Variants in GATB observed in about 807,000 individuals in gnomAD.
GATB encodes the protein glutamyl-tRNA(Gln) amidotransferase subunit B, mitochondrial.
In GATB, 39 loss-of-function variants were observed where a neutral mutation model predicts 62.3. The ratio of observed to expected loss-of-function variants is 0.63; its 90% CI spans 0.48 to 0.82. The LOEUF (loss-of-function observed/expected upper bound fraction) is 0.82, where lower values mean the gene tolerates loss of function less well. Ranked by LOEUF, GATB falls within the 40% of genes least tolerant of loss-of-function variation. The probability of loss-of-function intolerance (pLI) is 0.00; values close to 1 mark genes in which losing one functional copy is unlikely to be tolerated. For synonymous variants in GATB, 276 were observed against 258.9 expected, an observed-to-expected ratio of 1.07 and a Z score of -0.63; for missense variants, 670 against 684.0, an observed-to-expected ratio of 0.98 and a Z score of 0.23.
chr4:151,711,416 C>G (rs1259657693), intron 5 of GATB, among the ~76,000 whole-genome samples: 1 of 152,228 alleles, frequency 6.6e-6, no homozygotes, highest in Non-Finnish European at 1.5e-5. Context: ...CCTGATGCCA[C>G]TGCTCCTTCT....
At chr4:151,679,494 G>A (rs1217969460) in intron 11 of GATB, among the ~76,000 whole-genome samples, 2 of 152,166 alleles carry the variant, frequency 1.3e-5, no homozygotes, top group Non-Finnish European at 2.9e-5. Context: ...CTGAGCTGAG[G>A]CTGCCTTGGG....
In GATB at chr4:151,716,008, C is replaced by T; in HGVS notation, c.763+1G>A. On this transcript the variant is annotated splice_donor_variant, in intron 5 of 12. Transcript: ENST00000263985. LOFTEE classifies it high-confidence loss of function. ...AAGAATACTGCTTCTGTGGCTTCTA[C>T]CTGCCATGTTCGCCTGGCTGGTCCC... The T allele has an allele frequency of 5.6e-6, 9 of 1,613,492 alleles. No homozygotes were observed. The highest frequency in any genetic ancestry group is 7.6e-6 in the Non-Finnish European group (9 of 1,179,768).
intron 11 of GATB, among the ~76,000 whole-genome samples, chr4:151,679,508 G>A (rs113275418): frequency 2.0e-5 from 3 of 152,280 alleles, no homozygotes; most frequent in African/African-American, 4.8e-5. Flanking sequence ...CCTTGGGCAC[G>A]AGGGAAAGTT....
At chr4:151,719,607 C>A in intron 2 of GATB, 69 bp from the exon 3 acceptor site, 1 of 1,056,844 alleles carries the variant, frequency 9.5e-7, no homozygotes, top group Non-Finnish European at 1.4e-6. Flanking sequence ...CACACACTGA[C>A]ATCCTCGCTG....
rs768235871 is a variant in GATB, at chr4:151,716,930, T to C, written c.586A>G (p.Lys196Glu). Residue 196 changes from lysine (K) to glutamate (E), a missense_variant, in exon 4 of 13, where the codon AAA becomes GAA. Coordinates refer to ENST00000263985, the MANE Select transcript of GATB (RefSeq NM_004564.3). ...KQIQLEQDSGKSLHDNLRSQT... is the reference protein window; with the variant it reads ...KQIQLEQDSGESLHDNLRSQT... Reference sequence around the variant, plus strand: ...GACCTCAGGTTGTCGTGGAGGCTTTTGCCACTGTCTTGCTCCAACTGGATC... The same window carrying C: ...GACCTCAGGTTGTCGTGGAGGCTTTCGCCACTGTCTTGCTCCAACTGGATC... 6.2e-7 allele frequency: 1 copy of C among 1,614,204 alleles called. No individual in the cohort carries two copies. Among genetic ancestry groups the C allele is most frequent in the South Asian group, 1.1e-5 (1 of 91,082 alleles).
At chr4:151,717,749 C>G (rs181469048) in intron 3 of GATB, among the ~76,000 whole-genome samples, 4 of 152,168 alleles carry the variant, frequency 2.6e-5, no homozygotes, top group Non-Finnish European at 5.9e-5. Flanking sequence ...TACTTGCAAA[C>G]GCACAGAGGC....
At chr4:151,748,808 A>G (rs1475576978) in intron 2 of GATB, among the ~76,000 whole-genome samples, 1 of 152,210 alleles carries the variant, frequency 6.6e-6, no homozygotes, top group Non-Finnish European at 1.5e-5. Flanking sequence ...ACTCAAACAA[A>G]TTTACAAGAA....
chr4:151,754,905 G>A (rs1739794977), intron 2 of GATB, among the ~76,000 whole-genome samples: 1 of 152,172 alleles, frequency 6.6e-6, no homozygotes, highest in South Asian at 2.1e-4. Flanking sequence ...TGAAATCAAG[G>A]TTAAGTGACC....
intron 2 of GATB, among the ~76,000 whole-genome samples, chr4:151,725,742 T>C (rs1739124990): frequency 6.6e-6 from 1 of 152,248 alleles, no homozygotes; most frequent in Non-Finnish European, 1.5e-5. Flanking sequence ...ATTCCACTAA[T>C]TACAAATAAA....
chr4:151,749,685 G>A lies in GATB; in HGVS notation c.327+9087C>T, dbSNP rs185678495. ...AAGAAAAAAGAAAAAAATCAGAGAG[G>A]TGTTTCCTCAACCTTTGACAACCAA... On this transcript the variant is annotated intron_variant, in intron 2 of 12. Coordinates refer to ENST00000263985, the MANE Select transcript of GATB (RefSeq NM_004564.3). Among the ~76,000 whole-genome samples, 303 of 152,070 alleles carry A rather than the reference G, an allele frequency of 2.0e-3. 1 individual carries two copies. Among genetic ancestry groups the A allele is most frequent in the Non-Finnish European group, 3.2e-3 (218 of 68,006 alleles).
At chr4:151,678,184 C>T (rs954751280) in intron 11 of GATB, among the ~76,000 whole-genome samples, 5 of 152,206 alleles carry the variant, frequency 3.3e-5, no homozygotes, top group African/African-American at 1.2e-4. Context: ...ACCCTTCTAG[C>T]CAGGCTTGTA....
intron 7 of GATB, 83 bp from the exon 8 acceptor site, chr4:151,703,978 A>C (rs1323270151): frequency 1.1e-6 from 1 of 884,610 alleles, no homozygotes; most frequent in Non-Finnish European, 1.8e-6. Context: ...CCCTACCAAT[A>C]AGGGGCACAG....
chr4:151,682,692 G>A (rs1738166489), intron 10 of GATB, among the ~76,000 whole-genome samples: 1 of 151,630 alleles, frequency 6.6e-6, no homozygotes, highest in South Asian at 2.1e-4. Context: ...AACCACCCCC[G>A]ACCCCCCGTG....
At chr4:151,709,233 G>A (rs980319465) in intron 5 of GATB, among the ~76,000 whole-genome samples, 2 of 152,158 alleles carry the variant, frequency 1.3e-5, no homozygotes, top group Non-Finnish European at 2.9e-5. Context: ...TTCTCCCAGT[G>A]CTGGGCTGTG....
chr4:151,726,671 C>T (rs1739143946), intron 2 of GATB, among the ~76,000 whole-genome samples: 1 of 152,166 alleles, frequency 6.6e-6, no homozygotes, highest in Non-Finnish European at 1.5e-5. Flanking sequence ...TGTAGTCTGG[C>T]AGGTTCAACT....
At chr4:151,724,732 C>T (rs1290347142) in intron 2 of GATB, among the ~76,000 whole-genome samples, 4 of 152,090 alleles carry the variant, frequency 2.6e-5, no homozygotes, top group Non-Finnish European at 5.9e-5. Context: ...CCCACCACTA[C>T]TACAGTCTAG....
At chr4:151,739,479 C>T (rs928379682) in intron 2 of GATB, among the ~76,000 whole-genome samples, 5 of 152,134 alleles carry the variant, frequency 3.3e-5, no homozygotes, top group Non-Finnish European at 5.9e-5. Context: ...GATGCCGCAG[C>T]GTAGAAAATA....
intron 2 of GATB, 133 bp downstream of exon 2, chr4:151,758,639 C>A (rs1401275355): frequency 1.4e-6 from 1 of 701,158 alleles, no homozygotes; most frequent in African/African-American, 1.8e-5. Context: ...TTAATATATC[C>A]CGCTTCACCC....
At chr4:151,674,906 A>T (rs1332711830) in intron 11 of GATB, 2 of 152,218 alleles carry the variant, frequency 1.3e-5, no homozygotes, top group Non-Finnish European at 2.9e-5. Flanking sequence ...TGTGCCTGGA[A>T]GTAGGCGGGG....
Sources: allele counts gnomAD v4.1 joint callset (sites outside exome capture counted in the v4.1 genomes callset), GRCh38; gene constraint gnomAD v4.1.1; transcripts MANE v1.5; gene names NCBI Gene and HGNC (gene_info 2026-07-23, HGNC 2026-07-21).